Variants in LAMA2 observed in about 807,000 individuals in gnomAD.
LAMA2 encodes laminin subunit alpha 2, also known as laminin subunit alpha-2.
In LAMA2, 269 loss-of-function variants were observed where a neutral mutation model predicts 364.8. The ratio of observed to expected loss-of-function variants is 0.74; its 90% CI spans 0.67 to 0.82. The LOEUF (loss-of-function observed/expected upper bound fraction) is 0.82. Ranked by LOEUF, LAMA2 falls within the 40% of genes least tolerant of loss-of-function variation. The pLI, the probability that LAMA2 is intolerant of heterozygous loss-of-function variation, is 0.00. For missense variants in LAMA2, 3,807 were observed against 3,873.2 expected (o/e 0.98, Z 0.45); for synonymous variants, 1,379 against 1,370.6 (o/e 1.01, Z -0.14).
At position 128,883,288 on chromosome 6, in the gene LAMA2, G is replaced by A. The variant is rs1330272710; in HGVS notation, c.43G>A (p.Gly15Arg). 6.3e-7 allele frequency: 1 copy of A among 1,580,690 alleles called. No individual in the cohort carries two copies. The highest frequency in any genetic ancestry group is 8.6e-7 in the Non-Finnish European group (1 of 1,163,242). The change falls in exon 1 of 65, where the codon GGA becomes AGA. Residue 15 changes from glycine to arginine, a missense_variant. This residue lies in a region of LAMA2 where 394 missense variants were observed against 403.5 expected (regional missense o/e 0.98). Transcript: ENST00000421865. ...AGVLLLLLLSGGLGGVQAQRP... is the reference protein window; with the variant it reads ...AGVLLLLLLSRGLGGVQAQRP... The stretch of plus-strand genomic sequence containing the variant: ...GGTCCTCCTCCTTCTGCTGCTCTCC[G>A]GAGGCCTCGGGGGCGTACAGGCGCA...
rs540018011 is a variant in LAMA2, at chr6:129,307,310, A to C, written c.3175-5551A>C. ...TGGGCTGTAAGAATTTTTGCAGCCT[A>C]GGGTTTTCCAATGCCATTTTCCTTC... On this transcript the variant is annotated intron_variant, in intron 22 of 64. Transcript: ENST00000421865. 3.9e-5 allele frequency among the ~76,000 whole-genome samples: 6 copies of C among 152,300 alleles called. No individual in the cohort carries two copies. The East Asian group carries it at 1.2e-3, about 29-fold the overall frequency.
rs536870806 is a variant in LAMA2 at position 128,963,261 on chromosome 6, T to G, written c.112+79904T>G. 3.3e-5 allele frequency among the ~76,000 whole-genome samples: 5 copies of G among 152,298 alleles called. No homozygotes were observed. In the South Asian group the frequency reaches 8.3e-4, roughly 25 times the overall value. The stretch of plus-strand genomic sequence containing the variant: ...ACCTTGATACTAAGTTGTTCACAAC[T>G]GGCCCACATTCTAGGTTGAAATGAT... On this transcript the variant is annotated intron_variant, in intron 1 of 64. Coordinates refer to ENST00000421865, the MANE Select transcript of LAMA2 (RefSeq NM_000426.4).
intron 1 of LAMA2, among the ~76,000 whole-genome samples, chr6:128,996,776 G>C (rs1012402384): frequency 2.0e-5 from 3 of 152,208 alleles, no homozygotes; most frequent in African/African-American, 7.2e-5. Flanking sequence ...CCATTACTGG[G>C]TATTTATCCA....
At chr6:129,029,800 GT>G (rs1786097467) in intron 1 of LAMA2, among the ~76,000 whole-genome samples, 1 of 152,020 alleles carries the variant, frequency 6.6e-6, no homozygotes, top group Non-Finnish European at 1.5e-5. Flanking sequence ...TTTGAAAGCA[GT>G]TTTTAGAAAT....
chr6:129,023,807 A>G (rs1318491471), intron 1 of LAMA2, among the ~76,000 whole-genome samples: 1 of 152,200 alleles, frequency 6.6e-6, no homozygotes, highest in Non-Finnish European at 1.5e-5. Context: ...CAGTTATCAT[A>G]CCATTTATCA....
At chr6:129,114,583 G>C (rs1488754258) in intron 4 of LAMA2, among the ~76,000 whole-genome samples, 1 of 151,900 alleles carries the variant, frequency 6.6e-6, no homozygotes, top group Admixed American at 6.6e-5. Context: ...AATGTTTTCT[G>C]TATTTGCTTT....
chr6:129,493,598 A>C (rs544980077), intron 58 of LAMA2, among the ~76,000 whole-genome samples: 24 of 152,354 alleles, frequency 1.6e-4, no homozygotes, highest in Admixed American at 1.5e-3. Context: ...ACATATACTG[A>C]ACGTTTAATA....
At chr6:129,263,178 G>T (rs1285242921) in intron 15 of LAMA2, among the ~76,000 whole-genome samples, 2 of 152,084 alleles carry the variant, frequency 1.3e-5, no homozygotes, top group African/African-American at 4.8e-5. Flanking sequence ...ACTAGTATTT[G>T]ATGAGCGTGT....
At chr6:129,424,303 TG>T (rs1377666634) in intron 40 of LAMA2, among the ~76,000 whole-genome samples, 2 of 151,672 alleles carry the variant, frequency 1.3e-5, no homozygotes, top group African/African-American at 4.8e-5. Context: ...TTTGTGATCT[TG>T]GGTAAAGCAA....
Position 129,315,852 on chromosome 6 carries a change from A to T in LAMA2, c.3826A>T (p.Ile1276Phe). The change falls in exon 26 of 65, where the codon ATT becomes TTT. Residue 1276 changes from isoleucine to phenylalanine, a missense_variant. Coordinates refer to ENST00000421865, the MANE Select transcript of LAMA2 (RefSeq NM_000426.4). ...GFSTYNPQVI[I>F]RGGTPTHARI... ...CTCTACATATAATCCTCAAGTGATC[A>T]TTCGAGGTGGGACACCTACTCATGC... is the stretch of plus-strand genomic sequence containing the variant. The T allele has an allele frequency of 6.2e-7, 1 of 1,614,128 alleles. No homozygotes were observed.
intron 45 of LAMA2, among the ~76,000 whole-genome samples, chr6:129,449,908 T>C (rs545165970): frequency 4.0e-5 from 6 of 149,538 alleles, no homozygotes; most frequent in African/African-American, 1.5e-4. Context: ...GTTCAAGCAA[T>C]TCTCCTGCCT....
At chr6:129,289,705 A>C (rs1789556652) in intron 19 of LAMA2, among the ~76,000 whole-genome samples, 1 of 152,030 alleles carries the variant, frequency 6.6e-6, no homozygotes, top group Non-Finnish European at 1.5e-5. Flanking sequence ...TTATGGGATT[A>C]TTTTATTATG....
intron 1 of LAMA2, among the ~76,000 whole-genome samples, chr6:128,914,687 A>G (rs762012167): frequency 1.1e-4 from 16 of 152,168 alleles, no homozygotes; most frequent in African/African-American, 3.9e-4. Flanking sequence ...GAAGAGTCTT[A>G]TAGGCACTTT....
rs192687677 is a variant in LAMA2 at position 129,447,503 on chromosome 6, A to C, written c.6429+1682A>C. 1.8e-3 allele frequency among the ~76,000 whole-genome samples: 268 copies of C among 152,340 alleles called. 1 individual carries two copies. Among genetic ancestry groups the C allele is most frequent in the Non-Finnish European group, 6.0e-4 (41 of 68,028 alleles). On this transcript the variant is annotated intron_variant, in intron 45 of 64. Coordinates refer to ENST00000421865, the MANE Select transcript of LAMA2 (RefSeq NM_000426.4). ...CCAGTTTGCCCAGAGTAATTGATAA[A>C]GGAAACACATAACCAGAAAGATCAA... is the stretch of plus-strand genomic sequence containing the variant.
At chr6:129,081,715 A>G (rs1327111719) in intron 3 of LAMA2, among the ~76,000 whole-genome samples, 3 of 152,204 alleles carry the variant, frequency 2.0e-5, no homozygotes, top group Middle Eastern at 3.2e-3. Flanking sequence ...AAGAACATTT[A>G]ACTTCTCTCA....
chr6:129,062,842 A>G (rs1340276897), intron 3 of LAMA2, among the ~76,000 whole-genome samples: 1 of 151,552 alleles, frequency 6.6e-6, no homozygotes, highest in Non-Finnish European at 1.5e-5. Flanking sequence ...ACACATTTTC[A>G]TAAATTAGTA....
chr6:129,291,339 T>C (rs1789687728), intron 19 of LAMA2, among the ~76,000 whole-genome samples: 2 of 152,164 alleles, frequency 1.3e-5, no homozygotes, highest in South Asian at 4.1e-4. Flanking sequence ...GTCTTCATGC[T>C]CAAAATTGGA....
intron 1 of LAMA2, among the ~76,000 whole-genome samples, chr6:128,920,158 C>A (rs1216783092): frequency 1.3e-5 from 2 of 150,594 alleles, no homozygotes; most frequent in African/African-American, 2.4e-5. Flanking sequence ...GCTCATTTTT[C>A]TTTTCTTTTT....
At chr6:129,484,764 A>G (rs1370158611) in intron 55 of LAMA2, among the ~76,000 whole-genome samples, 1 of 152,204 alleles carries the variant, frequency 6.6e-6, no homozygotes. Flanking sequence ...AAGTAAGGTA[A>G]TGATAAACAT....
Sources: allele counts gnomAD v4.1 joint callset (sites outside exome capture counted in the v4.1 genomes callset), GRCh38; gene constraint gnomAD v4.1.1; regional missense constraint gnomAD v4.1.1; transcripts MANE v1.5; gene names NCBI Gene and HGNC (gene_info 2026-07-23, HGNC 2026-07-21).